EML5: variants seen among roughly 807,000 people sequenced by gnomAD.
EML5 encodes EMAP like 5, also known as echinoderm microtubule-associated protein-like 5.
In EML5, 120 loss-of-function variants were observed where a neutral mutation model predicts 250.0. That is an observed-to-expected ratio of 0.48 (90% confidence interval 0.41 to 0.56). EML5 has a LOEUF of 0.56. EML5 is among the 20% of genes least tolerant of loss of function. The pLI is 0.00. For synonymous variants in EML5, 771 were observed against 806.5 expected (o/e 0.96, Z 0.75); for missense variants, 2,006 against 2,437.6 (o/e 0.82, Z 3.73).
Position 88,792,601 on chromosome 14 carries a change from T to G in EML5, c.-98A>C. 1 of 1,177,248 alleles carries G rather than the reference T, an allele frequency of 8.5e-7. No individual in the cohort carries two copies. Among genetic ancestry groups the G allele is most frequent in the Non-Finnish European group, 1.0e-6 (1 of 952,978 alleles). The allele number at this position is 1,177,248 out of a possible 1,614,324, so 72.9% of individuals were successfully genotyped here. A position where few individuals can be genotyped will look rare whatever the true frequency, so the allele number is the denominator to read the frequency against. On this transcript the variant is annotated 5_prime_UTR_variant, in exon 1 of 44. Transcript: ENST00000554922. The surrounding 1 kb of genome is among the most constrained non-coding windows in gnomAD (Gnocchi z 6.9). ...AAGCCCTCCCGCTGGCTGCCGGGACTTCCCGCCAGCCGCGTCCTCTAAGCC... is the reference window on the plus strand; with the variant it reads ...AAGCCCTCCCGCTGGCTGCCGGGACGTCCCGCCAGCCGCGTCCTCTAAGCC...
At chr14:88,762,031 T>A (rs1028463682) in intron 1 of EML5, among the ~76,000 whole-genome samples, 55 of 152,304 alleles carry the variant, frequency 3.6e-4, no homozygotes, top group African/African-American at 1.3e-3. Flanking sequence ...CACTTTTTGA[T>A]AGGGTTGTTT....
intron 1 of EML5, among the ~76,000 whole-genome samples, chr14:88,776,073 C>T (rs1208935761): frequency 6.6e-6 from 1 of 152,186 alleles, no homozygotes; most frequent in East Asian, 1.9e-4. Flanking sequence ...TTGGGGTGCC[C>T]CCTAAAGCAG....
At chr14:88,697,843 C>T (rs992518903) in intron 14 of EML5, among the ~76,000 whole-genome samples, 4 of 152,084 alleles carry the variant, frequency 2.6e-5, no homozygotes, top group African/African-American at 7.2e-5. Flanking sequence ...TCAGGTGATT[C>T]TCTTACCTCA....
intron 28 of EML5, among the ~76,000 whole-genome samples, chr14:88,647,712 G>C (rs1345945562): frequency 7.8e-6 from 1 of 127,482 alleles, no homozygotes; most frequent in South Asian, 2.4e-4. Context: ...AAAAAAAAAG[G>C]GTTACTCCAT....
At chr14:88,684,427 C>T (rs909681972) in intron 20 of EML5, among the ~76,000 whole-genome samples, 3 of 144,124 alleles carry the variant, frequency 2.1e-5, no homozygotes, top group African/African-American at 7.8e-5. Context: ...GCCTCGGCCT[C>T]CCAAAGTGCT....
intron 34 of EML5, 53 bp from the exon 35 acceptor site, chr14:88,627,099 A>G: frequency 6.4e-7 from 1 of 1,553,768 alleles, no homozygotes; most frequent in Non-Finnish European, 8.8e-7. Context: ...AAGCTAATCA[A>G]CAGCATCAAA....
At chr14:88,638,762 C>A (rs1307670882) in intron 32 of EML5, 47 bp downstream of exon 32, 2 of 1,437,498 alleles carry the variant, frequency 1.4e-6, no homozygotes, top group Non-Finnish European at 9.4e-7. Context: ...TTTATTTGAA[C>A]AAAGCAAATG....
intron 13 of EML5, among the ~76,000 whole-genome samples, chr14:88,704,577 A>G (rs1329593150): frequency 6.6e-6 from 1 of 152,180 alleles, no homozygotes; most frequent in East Asian, 1.9e-4. Flanking sequence ...TATATTACAC[A>G]CAATGTAATG....
intron 1 of EML5, among the ~76,000 whole-genome samples, chr14:88,780,042 C>G (rs986122944): frequency 6.6e-6 from 1 of 152,058 alleles, no homozygotes; most frequent in East Asian, 1.9e-4. Flanking sequence ...ACCTCCACCT[C>G]CCAGGTTCAA....
rs138920960 is a variant in EML5 at position 88,714,096 on chromosome 14, C to T, written c.1444+843G>A. Reference sequence around the variant, plus strand: ...CAAGCTGTCGGTCCACTGTGGCCTCCCAAAGTGCTGGGATTACAGGCGTGA... The same window carrying T: ...CAAGCTGTCGGTCCACTGTGGCCTCTCAAAGTGCTGGGATTACAGGCGTGA... On this transcript the variant is annotated intron_variant, in intron 9 of 43. Coordinates refer to ENST00000554922, the MANE Select transcript of EML5 (RefSeq NM_183387.3). Among the ~76,000 whole-genome samples, 924 of 152,116 alleles carry T rather than the reference C, an allele frequency of 6.1e-3. 19 individuals are homozygous for T. The South Asian group carries it at 0.072, about 12-fold the overall frequency.
intron 9 of EML5, 75 bp downstream of exon 9, chr14:88,714,864 T>G (rs1368198441): frequency 7.1e-7 from 1 of 1,418,332 alleles, no homozygotes; most frequent in African/African-American, 1.4e-5. Context: ...CAAATGTAAC[T>G]TACACTCTGC....
At chr14:88,708,812 A>G (rs2093359251) in intron 10 of EML5, among the ~76,000 whole-genome samples, 1 of 152,148 alleles carries the variant, frequency 6.6e-6, no homozygotes, top group Non-Finnish European at 1.5e-5. Context: ...CCTTTTGATT[A>G]TGAAAACTAT....
rs778603557 is a variant in EML5, at chr14:88,612,936, G to GT, written c.*2881_*2882insA. On this transcript the variant is annotated 3_prime_UTR_variant, in exon 44 of 44. Coordinates refer to ENST00000554922, the MANE Select transcript of EML5 (RefSeq NM_183387.3). ...TTAGAAAAGTGGATTAATGCAAAAGGGGTAATAAAGACTGCAACATTCTCA... is the reference window on the plus strand; with the variant it reads ...TTAGAAAAGTGGATTAATGCAAAAGGTGGTAATAAAGACTGCAACATTCTCA... The GT allele has an allele frequency of 6.6e-6, 1 of 152,262 alleles. No homozygotes were observed. Among genetic ancestry groups the GT allele is most frequent in the East Asian group, 1.9e-4 (1 of 5,164 alleles). 9.4% of individuals were successfully genotyped at this position (152,262 alleles called of 1,614,324 possible).
At chr14:88,771,113 G>A (rs1375006402) in intron 1 of EML5, among the ~76,000 whole-genome samples, 2 of 152,142 alleles carry the variant, frequency 1.3e-5, no homozygotes, top group Admixed American at 1.3e-4. Context: ...ATATATCAAT[G>A]TTCCTTTACA....
chr14:88,753,246 G>T (rs1025849881), intron 2 of EML5, among the ~76,000 whole-genome samples: 17 of 152,128 alleles, frequency 1.1e-4, no homozygotes, highest in Non-Finnish European at 2.4e-4. Flanking sequence ...CCCACAAGGG[G>T]TTTGAGCTGG....
intron 20 of EML5, 53 bp downstream of exon 20, chr14:88,684,962 G>A: frequency 1.4e-6 from 2 of 1,454,996 alleles, no homozygotes; most frequent in Non-Finnish European, 1.8e-6. Flanking sequence ...CTTATATATT[G>A]AAATAATCAA....
At chr14:88,777,188 A>C (rs1253452833) in intron 1 of EML5, among the ~76,000 whole-genome samples, 1 of 152,168 alleles carries the variant, frequency 6.6e-6, no homozygotes, top group African/African-American at 2.4e-5. Context: ...GTCCTAAAAG[A>C]AGCAAGAGAA....
At chr14:88,696,978 A>G in intron 14 of EML5, 26 bp from the exon 15 acceptor site, 1 of 1,357,170 alleles carries the variant, frequency 7.4e-7, no homozygotes. Flanking sequence ...AGAAGCTATT[A>G]AATACAATTA....
At chr14:88,708,458 T>TA (rs972990657) in intron 10 of EML5, among the ~76,000 whole-genome samples, 4 of 152,234 alleles carry the variant, frequency 2.6e-5, no homozygotes, top group African/African-American at 9.6e-5. Context: ...TGGTGCCTGG[T>TA]ATATAGCAAA....
Sources: gnomAD v4.1 joint callset for allele counts (sites outside exome capture counted in the v4.1 genomes callset) on GRCh38, gnomAD v4.1.1 for gene constraint, Gnocchi (gnomAD v3.1) non-coding constraint, MANE v1.5 for transcripts, NCBI Gene and HGNC (gene_info 2026-07-23, HGNC 2026-07-21) for gene names.